The following RYR2 variants were observed in gnomAD, a reference collection of about 807,000 sequenced individuals.
RYR2 encodes ryanodine receptor 2.
Under a neutral mutation model 601.1 loss-of-function variants are expected in RYR2, and 227 were observed. The observed-to-expected ratio is 0.38, with a 90% CI of 0.34 to 0.42. RYR2 has a LOEUF of 0.42. Among genes scored for constraint, RYR2 ranks in the 10% least tolerant of loss-of-function variants. The probability of loss-of-function intolerance (pLI) is 1.00; values close to 1 mark genes in which losing one functional copy is unlikely to be tolerated. For synonymous variants in RYR2, 2,223 were observed against 2,175.1 expected, an observed-to-expected ratio of 1.02 and a Z score of -0.61; for missense variants, 4,646 against 6,156.5, an observed-to-expected ratio of 0.75 and a Z score of 8.21.
intron 5 of RYR2, among the ~76,000 whole-genome samples, chr1:237,366,310 A>T (rs571976497): frequency 5.9e-5 from 9 of 152,308 alleles, no homozygotes; most frequent in Admixed American, 2.0e-4. Context: ...GACAATGTTA[A>T]ACTGGCCTTT....
intron 80 of RYR2, among the ~76,000 whole-genome samples, chr1:237,747,020 C>A (rs1692141243): frequency 6.6e-6 from 1 of 151,942 alleles, no homozygotes; most frequent in Admixed American, 6.5e-5. Context: ...ATGGTTACTT[C>A]TTTTATTGCT....
At chr1:237,629,279 G>T (rs1046730448) in intron 41 of RYR2, among the ~76,000 whole-genome samples, 3 of 151,802 alleles carry the variant, frequency 2.0e-5, no homozygotes, top group Non-Finnish European at 4.4e-5. Context: ...CAAAGCCCAG[G>T]CTGTTTTTTT....
chr1:237,342,789 G>T (rs1208093531), intron 3 of RYR2, among the ~76,000 whole-genome samples: 1 of 152,204 alleles, frequency 6.6e-6, no homozygotes, highest in Non-Finnish European at 1.5e-5. Context: ...AAAGTACAAA[G>T]AGCAGCGCAG....
At chr1:237,564,043 T>A (rs771986267) in intron 27 of RYR2, among the ~76,000 whole-genome samples, 1 of 152,166 alleles carries the variant, frequency 6.6e-6, no homozygotes, top group Non-Finnish European at 1.5e-5. Flanking sequence ...TCAACATAAT[T>A]AAAAATAAGG....
At chr1:237,448,115 C>A (rs897659386) in intron 14 of RYR2, among the ~76,000 whole-genome samples, 8 of 151,836 alleles carry the variant, frequency 5.3e-5, no homozygotes, top group Non-Finnish European at 1.5e-5. Flanking sequence ...TTAGTAGAGA[C>A]GTGGTTTCAC....
At chr1:237,216,993 G>T (rs1683259022) in intron 1 of RYR2, among the ~76,000 whole-genome samples, 1 of 152,142 alleles carries the variant, frequency 6.6e-6, no homozygotes, top group South Asian at 2.1e-4. Context: ...AAATTTCTGT[G>T]GCTGGACATT....
At chr1:237,769,936 T>G (rs1694144533) in intron 84 of RYR2, among the ~76,000 whole-genome samples, 1 of 152,152 alleles carries the variant, frequency 6.6e-6, no homozygotes, top group Non-Finnish European at 1.5e-5. Context: ...TCCTTGTGTT[T>G]TTGCTTTCAA....
At chr1:237,742,785 C>T (rs1413839850) in intron 80 of RYR2, among the ~76,000 whole-genome samples, 1 of 152,202 alleles carries the variant, frequency 6.6e-6, no homozygotes, top group Non-Finnish European at 1.5e-5. Context: ...TTAGATCACT[C>T]ATTCCATGTA....
rs1282458362 is a variant in RYR2 at position 237,225,619 on chromosome 1, T to C, written c.49-44878T>C. Among the ~76,000 whole-genome samples, 4 of 152,264 alleles carry C rather than the reference T, an allele frequency of 2.6e-5. No homozygotes were observed. In the East Asian group the frequency reaches 7.8e-4, roughly 30 times the overall value. ...GTTGGGTGGAGACACAGCCAGACCCTATCACCACCTATTTCTAGGTTTACC... is the reference window on the plus strand; with the variant it reads ...GTTGGGTGGAGACACAGCCAGACCCCATCACCACCTATTTCTAGGTTTACC... On this transcript the variant is annotated intron_variant, in intron 1 of 104. Transcript: ENST00000366574.
At chr1:237,365,655 G>A (rs1700129855) in intron 5 of RYR2, among the ~76,000 whole-genome samples, 1 of 152,328 alleles carries the variant, frequency 6.6e-6, no homozygotes, top group Admixed American at 6.5e-5. Context: ...TGCAAATACT[G>A]ATAACTTATG....
intron 25 of RYR2, among the ~76,000 whole-genome samples, chr1:237,537,863 A>G (rs1481632271): frequency 3.3e-5 from 5 of 152,198 alleles, no homozygotes; most frequent in Admixed American, 1.3e-4. Flanking sequence ...ATGTCTAGGA[A>G]TAGTCAACTT....
intron 17 of RYR2, among the ~76,000 whole-genome samples, chr1:237,484,434 C>G (rs1407144013): frequency 6.6e-6 from 1 of 152,146 alleles, no homozygotes; most frequent in African/African-American, 2.4e-5. Context: ...CATGGGAGCA[C>G]CAGCGTCATG....
In RYR2 at chr1:237,385,494, G is replaced by A. The variant is rs189440171; in HGVS notation, c.577-1787G>A. On this transcript the variant is annotated intron_variant, in intron 8 of 104. Transcript: ENST00000366574. The stretch of plus-strand genomic sequence containing the variant: ...ATGAGATTACAAGCACCCTTGGGGT[G>A]GAGAATGTGTACTATTAATATACAT... Among the ~76,000 whole-genome samples, 69 of 152,288 alleles carry A rather than the reference G, an allele frequency of 4.5e-4. No individual in the cohort carries two copies. The East Asian group carries it at 0.011, about 24-fold the overall frequency.
At chr1:237,046,432 G>T (rs2463865) in intron 1 of RYR2, among the ~76,000 whole-genome samples, 150,382 of 152,350 alleles carry the variant, frequency 0.99, 74,239 homozygotes, top group East Asian at 1. Flanking sequence ...AGAGTACAAA[G>T]GAAAAGATGG....
At chr1:237,434,317 A>G (rs1707134009) in intron 12 of RYR2, among the ~76,000 whole-genome samples, 1 of 152,220 alleles carries the variant, frequency 6.6e-6, no homozygotes, top group African/African-American at 2.4e-5. Context: ...TCTCAAATAC[A>G]GGATTTGAGG....
chr1:237,270,386 T>A, intron 1 of RYR2, 111 bp from the exon 2 acceptor site: 1 of 1,433,156 alleles, frequency 7.0e-7, no homozygotes, highest in Middle Eastern at 1.7e-4. Flanking sequence ...GTTTTTACAT[T>A]CGGCACAGAT....
chr1:237,110,422 C>T (rs1340577743), intron 1 of RYR2, among the ~76,000 whole-genome samples: 1 of 149,100 alleles, frequency 6.7e-6, no homozygotes, highest in Non-Finnish European at 1.5e-5. Context: ...CCCCTCCCCC[C>T]ATCCCACAAC....
chr1:237,290,742 A>C (rs952174940), intron 2 of RYR2, among the ~76,000 whole-genome samples: 1 of 152,244 alleles, frequency 6.6e-6, no homozygotes, highest in Admixed American at 6.5e-5. Context: ...TGTAAATATA[A>C]GTGGATAAAA....
chr1:237,771,077 C>T (rs980413855), intron 85 of RYR2, among the ~76,000 whole-genome samples, 190 bp downstream of exon 85: 3 of 152,050 alleles, frequency 2.0e-5, no homozygotes, highest in Non-Finnish European at 4.4e-5. Flanking sequence ...CCTCGGATAT[C>T]CATTTCACTT....
Sources: gnomAD v4.1 joint callset for allele counts (sites outside exome capture counted in the v4.1 genomes callset) on GRCh38, gnomAD v4.1.1 for gene constraint, MANE v1.5 for transcripts, NCBI Gene and HGNC (gene_info 2026-07-23, HGNC 2026-07-21) for gene names.